Variants in NFIB observed in about 807,000 individuals in gnomAD.
NFIB encodes nuclear factor 1 B-type.
NFIB carries 11 observed loss-of-function variants against 61.5 expected under a neutral mutation model. The observed-to-expected ratio is 0.18, with a 90% CI of 0.11 to 0.30. The LOEUF (loss-of-function observed/expected upper bound fraction) is 0.30. Ranked by LOEUF, NFIB falls within the 10% of genes least tolerant of loss-of-function variation. The probability of loss-of-function intolerance (pLI) is 1.00; values close to 1 mark genes in which losing one functional copy is unlikely to be tolerated. For missense variants in NFIB, 471 were observed against 608.9 expected (o/e 0.77, Z 2.38); for synonymous variants, 260 against 216.5 (o/e 1.20, Z -1.76).
At chr9:14,472,793 A>G in the NFIB span, among the ~76,000 whole-genome samples, 1 of 152,148 alleles carries the variant, frequency 6.6e-6, no homozygotes, top group Non-Finnish European at 1.5e-5. Flanking sequence ...GTGAGCCGAG[A>G]TCGAGCCAAC....
chr9:14,268,920 G>C (rs2057408751), intron 2 of NFIB, among the ~76,000 whole-genome samples: 1 of 152,222 alleles, frequency 6.6e-6, no homozygotes, highest in African/African-American at 2.4e-5. Flanking sequence ...ATTGTAAACA[G>C]TTGAAGACCT....
intron 6 of NFIB, 60 bp from the exon 7 acceptor site, chr9:14,125,826 T>G: frequency 6.3e-7 from 1 of 1,580,606 alleles, no homozygotes; most frequent in East Asian, 2.2e-5. Flanking sequence ...AAGGTTCATG[T>G]CAACAAATGA....
At chr9:14,264,993 G>C (rs1823159734) in intron 2 of NFIB, among the ~76,000 whole-genome samples, 2 of 152,162 alleles carry the variant, frequency 1.3e-5, no homozygotes, top group Admixed American at 1.3e-4. Flanking sequence ...ATTATCAACA[G>C]TGTTAAGTGA....
intron 1 of NFIB, among the ~76,000 whole-genome samples, chr9:14,332,330 CAAAAAAAA>C (rs5896627): frequency 9.3e-6 from 1 of 108,100 alleles, no homozygotes; most frequent in African/African-American, 3.7e-5. Context: ...GAGACTCCGT[CAAAAAAAA>C]AAAAAAAAAA....
chr9:14,223,045 A>G (rs2051894298), intron 2 of NFIB, among the ~76,000 whole-genome samples: 2 of 152,114 alleles, frequency 1.3e-5, no homozygotes, highest in African/African-American at 4.8e-5. Context: ...ACTAACACTA[A>G]CAATAGCTGA....
chr9:14,471,312 C>T, the NFIB span, among the ~76,000 whole-genome samples: 2 of 152,138 alleles, frequency 1.3e-5, no homozygotes, highest in African/African-American at 4.8e-5. Flanking sequence ...GGATTTGCCT[C>T]CCCCCTGAGG....
chr9:14,130,195 C>T (rs1288963049), intron 6 of NFIB, among the ~76,000 whole-genome samples: 1 of 152,158 alleles, frequency 6.6e-6, no homozygotes, highest in Non-Finnish European at 1.5e-5. Context: ...GGCATCGTAT[C>T]CTTCAAACAG....
chr9:14,158,397 C>T (rs1440805284), intron 3 of NFIB, among the ~76,000 whole-genome samples: 4 of 152,188 alleles, frequency 2.6e-5, no homozygotes, highest in Non-Finnish European at 5.9e-5. Context: ...AATCTCCTTC[C>T]TCTGTACTTG....
intron 10 of NFIB, among the ~76,000 whole-genome samples, chr9:14,110,397 T>C (rs529152241): frequency 1.3e-5 from 2 of 152,098 alleles, no homozygotes; most frequent in East Asian, 1.9e-4. Flanking sequence ...GGATCATGTA[T>C]ATTAAAGGCT....
intron 1 of NFIB, among the ~76,000 whole-genome samples, chr9:14,344,964 C>A (rs1022707022): frequency 1.3e-5 from 2 of 152,024 alleles, no homozygotes; most frequent in African/African-American, 4.8e-5. Flanking sequence ...CTTCCCACAC[C>A]CCTACAGCCT....
the NFIB span, among the ~76,000 whole-genome samples, chr9:14,448,016 A>G: frequency 6.6e-6 from 1 of 152,224 alleles, no homozygotes; most frequent in African/African-American, 2.4e-5. Flanking sequence ...CTTTCTATCA[A>G]TGAAGTTATA....
At chr9:14,519,533 T>C in the NFIB span, among the ~76,000 whole-genome samples, 1 of 152,140 alleles carries the variant, frequency 6.6e-6, no homozygotes, top group African/African-American at 2.4e-5. Flanking sequence ...GGCGGGGGGT[T>C]GGGAGGCAGG....
intron 2 of NFIB, among the ~76,000 whole-genome samples, chr9:14,298,604 A>G (rs1044010071): frequency 3.9e-5 from 6 of 152,182 alleles, no homozygotes; most frequent in Non-Finnish European, 8.8e-5. Context: ...TCACTTCTAC[A>G]GCCAGACCAT....
intron 1 of NFIB, among the ~76,000 whole-genome samples, chr9:14,323,047 C>G (rs974696509): frequency 3.3e-5 from 5 of 152,238 alleles, no homozygotes; most frequent in African/African-American, 1.2e-4. Flanking sequence ...TTCCTCACTT[C>G]CCGCCACGTT....
chr9:14,254,293 T>C (rs1228486451), intron 2 of NFIB, among the ~76,000 whole-genome samples: 2 of 61,994 alleles, frequency 3.2e-5, no homozygotes, highest in African/African-American at 8.6e-5. Context: ...AGAGTGACAC[T>C]GTCTCAAAAA....
At chr9:14,324,430 C>T (rs2060728626) in intron 1 of NFIB, among the ~76,000 whole-genome samples, 1 of 152,144 alleles carries the variant, frequency 6.6e-6, no homozygotes, top group South Asian at 2.1e-4. Flanking sequence ...TTATCAAATA[C>T]TAAAACTTTT....
At chr9:14,167,468 G>C (rs2044994820) in intron 3 of NFIB, among the ~76,000 whole-genome samples, 1 of 152,210 alleles carries the variant, frequency 6.6e-6, no homozygotes, top group South Asian at 2.1e-4. Context: ...GGGAGGCAGG[G>C]GTTGCAATGA....
chr9:14,425,121 G>T, the NFIB span, among the ~76,000 whole-genome samples: 1 of 152,222 alleles, frequency 6.6e-6, no homozygotes, highest in Admixed American at 6.5e-5. Context: ...TCATTTTACT[G>T]CTCAGCTCTA....
chr9:14,231,604 G>A (rs972544983), intron 2 of NFIB, among the ~76,000 whole-genome samples: 11 of 152,102 alleles, frequency 7.2e-5, no homozygotes, highest in East Asian at 1.9e-4. Context: ...CTAACAGTTC[G>A]TTCTTTTTGA....
Sources: allele counts gnomAD v4.1 joint callset (sites outside exome capture counted in the v4.1 genomes callset), GRCh38; gene constraint gnomAD v4.1.1; transcripts MANE v1.5; gene names NCBI Gene and HGNC (gene_info 2026-07-23, HGNC 2026-07-21).